Variants in FANCC observed in about 807,000 individuals in gnomAD.
FANCC encodes FA complementation group C.
FANCC carries 55 observed loss-of-function variants against 71.3 expected under a neutral mutation model. That is an observed-to-expected ratio of 0.77 (90% CI 0.62 to 0.97). The LOEUF (loss-of-function observed/expected upper bound fraction) is 0.97, where lower values mean the gene tolerates loss of function less well. FANCC is among the 50% of genes least tolerant of loss of function. FANCC has a pLI of 0.00. For missense variants in FANCC, 678 were observed against 670.9 expected (o/e 1.01, Z -0.12); for synonymous variants, 275 against 244.9 (o/e 1.12, Z -1.15).
intron 8 of FANCC, among the ~76,000 whole-genome samples, chr9:95,129,337 A>G (rs1351779045): frequency 1.3e-5 from 2 of 152,206 alleles, no homozygotes; most frequent in Non-Finnish European, 2.9e-5. Flanking sequence ...AAATCACAAA[A>G]GCAATCTTAA....
intron 14 of FANCC, among the ~76,000 whole-genome samples, chr9:95,104,250 T>C (rs1379503260): frequency 6.6e-6 from 1 of 152,178 alleles, no homozygotes; most frequent in Non-Finnish European, 1.5e-5. Context: ...TCAATAAAGA[T>C]GGTTTCAAAA....
chr9:95,227,616 G>A (rs1309715700), intron 4 of FANCC, among the ~76,000 whole-genome samples: 2 of 152,134 alleles, frequency 1.3e-5, no homozygotes, highest in Admixed American at 6.5e-5. Context: ...TGTGCTGAAC[G>A]TATTTTCAAC....
At chr9:95,242,106 T>C (rs1564787591) in intron 3 of FANCC, among the ~76,000 whole-genome samples, 1 of 152,192 alleles carries the variant, frequency 6.6e-6, no homozygotes. Flanking sequence ...CATACATAGC[T>C]TATGCTTTTC....
intron 1 of FANCC, among the ~76,000 whole-genome samples, chr9:95,253,783 T>C (rs1351682904): frequency 1.4e-5 from 2 of 138,638 alleles, no homozygotes; most frequent in African/African-American, 5.4e-5. Context: ...AATTTTTTCA[T>C]GGACCAGGGC....
At chr9:95,262,229 G>C (rs1588379056) in intron 1 of FANCC, among the ~76,000 whole-genome samples, 1 of 151,936 alleles carries the variant, frequency 6.6e-6, no homozygotes, top group African/African-American at 2.4e-5. Context: ...TATCCTTTAG[G>C]AGAAGGATAT....
chr9:95,239,868 T>G (rs577881816), intron 4 of FANCC, among the ~76,000 whole-genome samples: 1 of 152,230 alleles, frequency 6.6e-6, no homozygotes, highest in Non-Finnish European at 1.5e-5. Flanking sequence ...TCTGGTTGGA[T>G]GATTTCATAA....
intron 1 of FANCC, among the ~76,000 whole-genome samples, chr9:95,250,173 C>A (rs1404225166): frequency 6.6e-6 from 1 of 152,162 alleles, no homozygotes; most frequent in East Asian, 1.9e-4. Flanking sequence ...CATCCCACAA[C>A]CCTTCATCAC....
intron 11 of FANCC, among the ~76,000 whole-genome samples, chr9:95,115,869 A>G (rs2072362052): frequency 6.6e-6 from 1 of 152,228 alleles, no homozygotes; most frequent in Non-Finnish European, 1.5e-5. Context: ...AGGGCTCGTA[A>G]GTGATCCTCT....
chr9:95,206,369 T>C (rs575001567), intron 4 of FANCC, among the ~76,000 whole-genome samples: 12 of 152,130 alleles, frequency 7.9e-5, no homozygotes, highest in Admixed American at 1.3e-4. Flanking sequence ...TGGATCTCGG[T>C]ATCTGCCAGC....
In FANCC at chr9:95,297,129, G is replaced by C. The variant is rs941437580; in HGVS notation, c.-79+20397C>G. The stretch of plus-strand genomic sequence containing the variant: ...TGACACTGAGAACTGAACCATATGT[G>C]GGGGCTCACCAGGGGAACAGCAGAC... On this transcript the variant is annotated intron_variant, in intron 1 of 14. Transcript: ENST00000289081. Among the ~76,000 whole-genome samples, 21 of 152,284 alleles carry C rather than the reference G, an allele frequency of 1.4e-4. No homozygotes were observed. In the East Asian group the frequency reaches 3.7e-3, roughly 27 times the overall value.
At chr9:95,142,262 G>T (rs567546053) in intron 7 of FANCC, among the ~76,000 whole-genome samples, 2 of 151,930 alleles carry the variant, frequency 1.3e-5, no homozygotes, top group South Asian at 4.2e-4. Context: ...CAAAGTGCTG[G>T]GATTACAGGT....
chr9:95,269,414 C>A (rs1042472895), intron 1 of FANCC, among the ~76,000 whole-genome samples: 2 of 152,210 alleles, frequency 1.3e-5, no homozygotes, highest in African/African-American at 4.8e-5. Flanking sequence ...CCTTGAGGAG[C>A]TTAAGATGAG....
intron 1 of FANCC, among the ~76,000 whole-genome samples, chr9:95,272,747 AT>A (rs1246638885): frequency 6.6e-6 from 1 of 152,162 alleles, no homozygotes; most frequent in African/African-American, 2.4e-5. Flanking sequence ...GTAATTTTTC[AT>A]TTTCTAGCTT....
chr9:95,115,353 C>G (rs1017704210), intron 11 of FANCC, among the ~76,000 whole-genome samples: 2 of 152,192 alleles, frequency 1.3e-5, no homozygotes, highest in Non-Finnish European at 2.9e-5. Flanking sequence ...TCTTTTCTAC[C>G]TACACACTCC....
chr9:95,112,842 C>G (rs1434421727), intron 12 of FANCC, among the ~76,000 whole-genome samples: 1 of 152,220 alleles, frequency 6.6e-6, no homozygotes, highest in South Asian at 2.1e-4. Context: ...GGGAGCCCCA[C>G]GAGGTCTAAG....
At chr9:95,202,623 G>C (rs1219289588) in intron 4 of FANCC, among the ~76,000 whole-genome samples, 1 of 152,246 alleles carries the variant, frequency 6.6e-6, no homozygotes, top group Non-Finnish European at 1.5e-5. Context: ...CTTCTGTGGG[G>C]CAGTTAGCCC....
At chr9:95,245,799 A>C (rs1455874858) in intron 3 of FANCC, among the ~76,000 whole-genome samples, 1 of 151,644 alleles carries the variant, frequency 6.6e-6, no homozygotes. Context: ...TGGGAGGCTG[A>C]GGCAGGAGAA....
At chr9:95,264,744 C>CCAAT (rs1431991006) in intron 1 of FANCC, among the ~76,000 whole-genome samples, 1 of 152,138 alleles carries the variant, frequency 6.6e-6, no homozygotes, top group African/African-American at 2.4e-5. Flanking sequence ...TACTTAGCTT[C>CCAAT]CAATCAATCA....
At chr9:95,113,346 A>AAGAT (rs1273016618) in intron 12 of FANCC, among the ~76,000 whole-genome samples, 2 of 152,348 alleles carry the variant, frequency 1.3e-5, no homozygotes, top group South Asian at 2.1e-4. Context: ...AGGAACAAAT[A>AAGAT]AGATAGTCTT....
Sources: gnomAD v4.1 joint callset for allele counts (sites outside exome capture counted in the v4.1 genomes callset) on GRCh38, gnomAD v4.1.1 for gene constraint, MANE v1.5 for transcripts, NCBI Gene and HGNC (gene_info 2026-07-23, HGNC 2026-07-21) for gene names.